LRRFIP1: variants seen among roughly 807,000 people sequenced by gnomAD.
The protein encoded by LRRFIP1 is LRR binding FLII interacting protein 1, also known as leucine-rich repeat flightless-interacting protein 1.
A neutral mutation model predicts 104.4 loss-of-function variants in LRRFIP1; 62 were observed. That is an observed-to-expected ratio of 0.59 (90% confidence interval 0.48 to 0.73). The LOEUF is 0.73. LRRFIP1 is among the 30% of genes least tolerant of loss of function. The pLI is 0.00. For missense variants in LRRFIP1, 796 were observed against 824.5 expected (o/e 0.97, Z 0.42); for synonymous variants, 300 against 299.0 (o/e 1.00, Z -0.03).
intron 19 of LRRFIP1, chr2:237,763,606 A>T: frequency 6.2e-7 from 1 of 1,613,794 alleles, no homozygotes; most frequent in Non-Finnish European, 8.5e-7. Flanking sequence ...AAAATCCAAA[A>T]CAGAAAATTG....
intron 7 of LRRFIP1, among the ~76,000 whole-genome samples, chr2:237,726,874 A>G (rs2094772965): frequency 6.6e-6 from 1 of 152,242 alleles, no homozygotes. Flanking sequence ...GGGAACTGAG[A>G]AGAGAGGGAT....
chr2:237,687,984 AT>A (rs1452973748), intron 1 of LRRFIP1, among the ~76,000 whole-genome samples: 1 of 152,198 alleles, frequency 6.6e-6, no homozygotes, highest in Admixed American at 6.5e-5. Context: ...CTGTTCTGGC[AT>A]TTTCTGGTTA....
At chr2:237,696,445 G>A (rs1217801069) in intron 1 of LRRFIP1, among the ~76,000 whole-genome samples, 3 of 152,146 alleles carry the variant, frequency 2.0e-5, no homozygotes, top group Non-Finnish European at 2.9e-5. Context: ...TCTCTGAACC[G>A]GATTTATACT....
chr2:237,735,522 G>C lies in LRRFIP1; in HGVS notation c.555+189G>C. The C allele has an allele frequency of 3.5e-6, 2 of 569,300 alleles. No individual in the cohort carries two copies. Among genetic ancestry groups the C allele is most frequent in the Non-Finnish European group, 6.1e-6 (2 of 325,812 alleles). The allele number at this position is 569,300 out of a possible 1,614,324, so 35.3% of individuals were successfully genotyped here. On this transcript the variant is annotated intron_variant, in intron 10 of 23. Coordinates refer to ENST00000308482, the MANE Select transcript of LRRFIP1 (RefSeq NM_001137550.2). The surrounding 1 kb of genome is among the most constrained non-coding windows in gnomAD (Gnocchi z 4.6). ...AATGTGAATCAGGAAACCTCTGGTT[G>C]TTGGTTTCATGTCCTCACTCATCAG...
At chr2:237,729,976 T>C (rs1249467384) in intron 8 of LRRFIP1, 1 of 254,462 alleles carries the variant, frequency 3.9e-6, no homozygotes, top group Non-Finnish European at 6.2e-6. Context: ...TGGGTAGCTG[T>C]GTTATTGACG....
intron 6 of LRRFIP1, among the ~76,000 whole-genome samples, chr2:237,723,248 T>C (rs994432486): frequency 1.3e-5 from 2 of 152,210 alleles, no homozygotes; most frequent in Admixed American, 6.5e-5. Flanking sequence ...CCTTTGCCCT[T>C]TTGTAACTAA....
chr2:237,762,982 G>C, intron 19 of LRRFIP1: 1 of 1,614,228 alleles, frequency 6.2e-7, no homozygotes, highest in Non-Finnish European at 8.5e-7. Context: ...CAGAGAATGT[G>C]GGAGAGGCAG....
chr2:237,691,765 G>C lies in LRRFIP1; in HGVS notation c.97-16779G>C, dbSNP rs1025591628. 6.6e-6 allele frequency among the ~76,000 whole-genome samples: 1 copy of C among 151,984 alleles called. No individual in the cohort carries two copies. The highest frequency in any genetic ancestry group is 1.5e-5 in the Non-Finnish European group (1 of 67,928). ...CCTCCCCGGAGCGCCCGCTTCCCAC[G>C]GCCCCTGCGGGTGGAGCTGCGGCCG... On this transcript the variant is annotated intron_variant, in intron 1 of 23. Coordinates refer to ENST00000308482, the MANE Select transcript of LRRFIP1 (RefSeq NM_001137550.2). This position sits in a 1 kb window ranked among gnomAD's most constrained non-coding sequence, Gnocchi z 5.4.
In LRRFIP1 at chr2:237,766,312, TAAATGCTTGCTAGG is replaced by T. The variant is rs139822302; in HGVS notation, c.1460-3626_1460-3613del. ...CTGAAGTAGAGGATGGTGGGGATGA[TAAATGCTTGCTAGG>T]AAATAAGTCCAAGGGCTCTATAGGA... On this transcript the variant is annotated intron_variant, in intron 19 of 23. Coordinates refer to ENST00000308482, the MANE Select transcript of LRRFIP1 (RefSeq NM_001137550.2). This position sits in a 1 kb window ranked among gnomAD's most constrained non-coding sequence, Gnocchi z 4.8. Among the ~76,000 whole-genome samples, 6,531 of 152,270 alleles carry T rather than the reference TAAATGCTTGCTAGG, an allele frequency of 0.043. 164 individuals are homozygous for T. Among genetic ancestry groups the T allele is most frequent in the Middle Eastern group, 0.14 (40 of 294 alleles).
chr2:237,723,662 G>A (rs957288831), intron 7 of LRRFIP1, 76 bp downstream of exon 7: 12 of 1,553,436 alleles, frequency 7.7e-6, no homozygotes, highest in Middle Eastern at 1.7e-4. Context: ...GTATTTCCAC[G>A]AATCTCATGG....
At chr2:237,778,434 G>A (rs901968998) in intron 23 of LRRFIP1, among the ~76,000 whole-genome samples, 2 of 152,164 alleles carry the variant, frequency 1.3e-5, no homozygotes, top group African/African-American at 4.8e-5. Context: ...TGTGGCTTCT[G>A]CAGCTCGTCT....
chr2:237,758,957 T>C (rs1232897864), intron 18 of LRRFIP1, 136 bp downstream of exon 18: 2 of 579,344 alleles, frequency 3.5e-6, no homozygotes, highest in African/African-American at 1.9e-5. Context: ...AATTCATATA[T>C]TGGGTTAACT....
At chr2:237,627,955 T>C (rs2149211496) in intron 1 of LRRFIP1, among the ~76,000 whole-genome samples, 1 of 150,866 alleles carries the variant, frequency 6.6e-6, no homozygotes, top group South Asian at 2.1e-4. Context: ...CCCGCACCCG[T>C]TCTCCAGCCC....
intron 11 of LRRFIP1, among the ~76,000 whole-genome samples, chr2:237,742,844 T>C (rs2057300090): frequency 6.6e-6 from 1 of 152,090 alleles, no homozygotes; most frequent in Non-Finnish European, 1.5e-5. Flanking sequence ...CCCTCCAGTC[T>C]GGCCTTCCTT....
At chr2:237,739,360 C>A (rs2150439047) in intron 11 of LRRFIP1, 51 bp downstream of exon 11, 3 of 1,456,506 alleles carry the variant, frequency 2.1e-6, no homozygotes, top group Non-Finnish European at 2.8e-6. Context: ...CTCCCTCCCC[C>A]TTCCCTTATC....
intron 7 of LRRFIP1, among the ~76,000 whole-genome samples, chr2:237,726,117 TAGTC>T (rs2094738268): frequency 6.6e-6 from 1 of 152,200 alleles, no homozygotes; most frequent in Non-Finnish European, 1.5e-5. Context: ...GAAAGGAAAT[TAGTC>T]TGAGTAAAAC....
At chr2:237,706,671 A>T (rs1241212399) in intron 1 of LRRFIP1, among the ~76,000 whole-genome samples, 2 of 152,210 alleles carry the variant, frequency 1.3e-5, no homozygotes, top group African/African-American at 4.8e-5. Flanking sequence ...TCTGTCACCC[A>T]GGCTGGAGTG....
At chr2:237,767,223 A>G (rs1258689071) in intron 19 of LRRFIP1, among the ~76,000 whole-genome samples, 5 of 152,194 alleles carry the variant, frequency 3.3e-5, no homozygotes, top group African/African-American at 7.2e-5. Context: ...GCTATACTCC[A>G]TATAAGAAGG....
chr2:237,640,040 G>C (rs547611054), intron 1 of LRRFIP1, among the ~76,000 whole-genome samples: 1 of 152,154 alleles, frequency 6.6e-6, no homozygotes, highest in East Asian at 1.9e-4. Context: ...ACTCCCCTCA[G>C]CTAGAGAACT....
Sources: allele counts gnomAD v4.1 joint callset (sites outside exome capture counted in the v4.1 genomes callset), GRCh38; gene constraint gnomAD v4.1.1; non-coding constraint Gnocchi (gnomAD v3.1); transcripts MANE v1.5; gene names NCBI Gene and HGNC (gene_info 2026-07-23, HGNC 2026-07-21).